The following PTPRN2 variants were observed in gnomAD, a reference collection of about 807,000 sequenced individuals.
PTPRN2 encodes the protein protein tyrosine phosphatase receptor type N2.
In PTPRN2, 74 loss-of-function variants were observed where a neutral mutation model predicts 118.8. The observed-to-expected ratio is 0.62, with a 90% CI of 0.52 to 0.76. The LOEUF is 0.76. Ranked by LOEUF, PTPRN2 falls within the 30% of genes least tolerant of loss-of-function variation. The pLI is 0.00. For synonymous variants in PTPRN2, 641 were observed against 608.0 expected (o/e 1.05, Z -0.80); for missense variants, 1,481 against 1,394.4 (o/e 1.06, Z -0.99).
intron 12 of PTPRN2, among the ~76,000 whole-genome samples, chr7:157,858,059 C>T (rs1331997525): frequency 7.0e-6 from 1 of 142,098 alleles, no homozygotes; most frequent in Non-Finnish European, 1.6e-5. Flanking sequence ...AGCTACCACC[C>T]ACACTCCTGC....
chr7:158,228,333 C>T (rs902544011), intron 3 of PTPRN2, among the ~76,000 whole-genome samples: 1 of 152,116 alleles, frequency 6.6e-6, no homozygotes, highest in Admixed American at 6.5e-5. Context: ...TCAGAGATCG[C>T]CCTCTACCAG....
chr7:157,980,855 A>G (rs1266326772), intron 11 of PTPRN2, among the ~76,000 whole-genome samples: 2 of 152,238 alleles, frequency 1.3e-5, no homozygotes, highest in Non-Finnish European at 2.9e-5. Context: ...GCCTGAGGAA[A>G]CCCAGGCTTA....
intron 3 of PTPRN2, among the ~76,000 whole-genome samples, chr7:158,210,586 A>G (rs1212846391): frequency 6.6e-6 from 1 of 151,764 alleles, no homozygotes; most frequent in African/African-American, 2.4e-5. Context: ...AGTCTAAGAA[A>G]AAAAGAGAAA....
At chr7:158,240,255 A>AAG (rs10532382) in intron 3 of PTPRN2, among the ~76,000 whole-genome samples, 4 of 151,340 alleles carry the variant, frequency 2.6e-5, no homozygotes, top group East Asian at 2.0e-4. Flanking sequence ...TATACCAAAA[A>AAG]AGAGAGAGAG....
intron 2 of PTPRN2, among the ~76,000 whole-genome samples, chr7:158,333,369 C>G (rs1369808625): frequency 6.9e-6 from 1 of 144,394 alleles, no homozygotes; most frequent in Non-Finnish European, 1.5e-5. Context: ...CACTCACACC[C>G]ACACTCGCAC....
chr7:158,584,273 A>C (rs1158484816), intron 1 of PTPRN2, among the ~76,000 whole-genome samples: 1 of 152,210 alleles, frequency 6.6e-6, no homozygotes, highest in Non-Finnish European at 1.5e-5. Flanking sequence ...GAGCAGGTTC[A>C]CAAGTCAGCC....
At position 157,987,066 on chromosome 7, in the gene PTPRN2, A is replaced by T. The variant is rs150466806; in HGVS notation, c.1724-88329T>A. Among the ~76,000 whole-genome samples the T allele has an allele frequency of 6.6e-6, 1 of 152,052 alleles. No individual in the cohort carries two copies. The highest frequency in any genetic ancestry group is 1.9e-4 in the East Asian group (1 of 5,184). ...GCCGGTACACATCTAGGGAGTGATG[A>T]TCCCCCTCCACCAGCCAGTGGGGAA... On this transcript the variant is annotated intron_variant, in intron 11 of 22. Coordinates refer to ENST00000389418, the MANE Select transcript of PTPRN2 (RefSeq NM_002847.5). This position sits in a 1 kb window ranked among gnomAD's most constrained non-coding sequence, Gnocchi z 4.3.
intron 12 of PTPRN2, among the ~76,000 whole-genome samples, chr7:157,840,201 G>A (rs758716010): frequency 1.3e-5 from 2 of 148,454 alleles, no homozygotes; most frequent in South Asian, 4.4e-4. Context: ...CTGTGACCGC[G>A]TGTGACTGTG....
At position 157,924,811 on chromosome 7, in the gene PTPRN2, A is replaced by G. The variant is rs73745030; in HGVS notation, c.1724-26074T>C. Among the ~76,000 whole-genome samples the G allele has an allele frequency of 8.4e-3, 1,273 of 152,208 alleles. 17 individuals are homozygous for G. Among genetic ancestry groups the G allele is most frequent in the African/African-American group, 0.029 (1,205 of 41,524 alleles). ...ATGAAAACACCTCCACTGAAGCTCAAACAGGCAAATGCAGTTATTGAAATG... is the reference window on the plus strand; with the variant it reads ...ATGAAAACACCTCCACTGAAGCTCAGACAGGCAAATGCAGTTATTGAAATG... On this transcript the variant is annotated intron_variant, in intron 11 of 22. Coordinates refer to ENST00000389418, the MANE Select transcript of PTPRN2 (RefSeq NM_002847.5).
chr7:157,875,026 C>T (rs1032633385), intron 12 of PTPRN2, among the ~76,000 whole-genome samples: 1 of 151,912 alleles, frequency 6.6e-6, no homozygotes, highest in Non-Finnish European at 1.5e-5. Flanking sequence ...CACACAGACA[C>T]ACGCAGACAC....
rs139862998 is a variant in PTPRN2 at position 157,591,678 on chromosome 7, G to T, written c.2496+3560C>A. On this transcript the variant is annotated intron_variant, in intron 17 of 22. Coordinates refer to ENST00000389418, the MANE Select transcript of PTPRN2 (RefSeq NM_002847.5). The surrounding 1 kb of genome is among the most constrained non-coding windows in gnomAD (Gnocchi z 4.4). Reference sequence around the variant, plus strand: ...TGTCAATCTTGGGGCTTACTGGTAAGTATTCAATGAAGAACAACGCCTGAG... The same window carrying T: ...TGTCAATCTTGGGGCTTACTGGTAATTATTCAATGAAGAACAACGCCTGAG... 2.6e-3 allele frequency among the ~76,000 whole-genome samples: 403 copies of T among 152,362 alleles called. 3 individuals carry two copies. The highest frequency in any genetic ancestry group is 9.2e-3 in the African/African-American group (383 of 41,584).
intron 11 of PTPRN2, among the ~76,000 whole-genome samples, chr7:157,935,821 C>T (rs1053637083): frequency 6.6e-6 from 1 of 150,444 alleles, no homozygotes; most frequent in African/African-American, 2.4e-5. Context: ...ATCTGTGTCA[C>T]TCCCTCAGGG....
intron 12 of PTPRN2, among the ~76,000 whole-genome samples, chr7:157,737,045 C>A (rs983835703): frequency 4.6e-5 from 7 of 152,180 alleles, no homozygotes; most frequent in African/African-American, 7.2e-5. Flanking sequence ...TAAGAAGAAA[C>A]CCCAGCAAGA....
At chr7:157,860,157 A>C (rs1214908397) in intron 12 of PTPRN2, among the ~76,000 whole-genome samples, 1 of 152,174 alleles carries the variant, frequency 6.6e-6, no homozygotes, top group Admixed American at 6.5e-5. Context: ...GAGCCTCGAG[A>C]CTTGCAACGA....
intron 2 of PTPRN2, among the ~76,000 whole-genome samples, chr7:158,413,737 C>T (rs569704700): frequency 6.6e-6 from 1 of 152,348 alleles, no homozygotes; most frequent in Non-Finnish European, 1.5e-5. Flanking sequence ...GGAGAACGGG[C>T]CCATCCTGCG....
intron 11 of PTPRN2, among the ~76,000 whole-genome samples, chr7:158,014,659 AT>A (rs1293122693): frequency 6.6e-6 from 1 of 150,704 alleles, no homozygotes; most frequent in Non-Finnish European, 1.5e-5. Flanking sequence ...ATCATTCATC[AT>A]CCATCCATCT....
At chr7:157,722,823 G>A (rs568847217) in intron 12 of PTPRN2, among the ~76,000 whole-genome samples, 2 of 152,220 alleles carry the variant, frequency 1.3e-5, no homozygotes, top group South Asian at 2.1e-4. Context: ...GCGAGGCGGT[G>A]CAGGGTGGGG....
chr7:158,160,969 T>C (rs1221301146), intron 6 of PTPRN2, among the ~76,000 whole-genome samples: 2 of 152,258 alleles, frequency 1.3e-5, no homozygotes, highest in African/African-American at 2.4e-5. Flanking sequence ...AATAATTTTT[T>C]CCAGAATTAC....
At chr7:157,663,911 A>G (rs1796013933) in intron 13 of PTPRN2, among the ~76,000 whole-genome samples, 1 of 152,272 alleles carries the variant, frequency 6.6e-6, no homozygotes, top group African/African-American at 2.4e-5. Context: ...GAAATGTAGA[A>G]CGCTACTTGA....
Sources: allele counts gnomAD v4.1 joint callset (sites outside exome capture counted in the v4.1 genomes callset), GRCh38; gene constraint gnomAD v4.1.1; non-coding constraint Gnocchi (gnomAD v3.1); transcripts MANE v1.5; gene names NCBI Gene and HGNC (gene_info 2026-07-23, HGNC 2026-07-21).